Variants in SALL1 observed in about 807,000 individuals in gnomAD.
SALL1 encodes the protein sal-like protein 1.
SALL1 carries 10 observed loss-of-function variants against 73.1 expected under a neutral mutation model. The ratio of observed to expected loss-of-function variants is 0.14; its 90% CI spans 0.08 to 0.23. The LOEUF is 0.23. SALL1 is among the 10% of genes least tolerant of loss of function. The pLI is 1.00. For missense variants in SALL1, 1,520 were observed against 1,697.3 expected, an observed-to-expected ratio of 0.90 and a Z score of 1.84; for synonymous variants, 688 against 689.8, an observed-to-expected ratio of 1.00 and a Z score of 0.04.
At position 51,136,617 on chromosome 16, in the gene SALL1, ATC is replaced by A. The variant is rs1010194313; in HGVS notation, c.*493_*494del. Reference sequence around the variant, plus strand: ...TCTGTACTTTCAGTCCTTTCCTTAAATCTGTTTTGAAAGATTAGACAATGTGT... The same window carrying A: ...TCTGTACTTTCAGTCCTTTCCTTAAATGTTTTGAAAGATTAGACAATGTGT... On this transcript the variant is annotated 3_prime_UTR_variant, in exon 3 of 3. Transcript: ENST00000251020. 1.2e-5 allele frequency: 2 copies of A among 161,174 alleles called. No individual in the cohort carries two copies. Among genetic ancestry groups the A allele is most frequent in the African/African-American group, 4.8e-5 (2 of 41,594 alleles). The allele number at this position is 161,174 out of a possible 1,614,324, so 10.0% of individuals were successfully genotyped here.
chr16:51,137,504 G>C lies in SALL1; in HGVS notation c.3583C>G (p.Arg1195Gly). ...ATGGGGCCATCCACAGAGAGCCGCC[G>C]ACCCCGTCGTGCAGGGGTGCTATTC... ...MWNSTPARRGRRLSVDGPMTF... is the reference protein window; with the variant it reads ...MWNSTPARRGGRLSVDGPMTF... The change falls in exon 3 of 3, where the codon CGG becomes GGG. Residue 1195 changes from arginine (R) to glycine (G), a missense_variant. Arg to Gly is a moderately radical substitution (Grantham distance 125, BLOSUM62 -2). Around this residue, in one of 7 missense-constraint regions of SALL1, gnomAD observed 318 missense variants for 357.1 expected, o/e 0.89. Coordinates refer to ENST00000251020, the MANE Select transcript of SALL1 (RefSeq NM_002968.3). 1 of 1,613,906 alleles carries C rather than the reference G, an allele frequency of 6.2e-7. No homozygotes were observed. The highest frequency in any genetic ancestry group is 2.2e-5 in the East Asian group (1 of 44,866).
Position 51,139,176 on chromosome 16 carries a change from A to C in SALL1, c.3046T>G (p.Leu1016Val). The C allele has an allele frequency of 6.2e-7, 1 of 1,614,242 alleles. No individual in the cohort carries two copies. The highest frequency in any genetic ancestry group is 8.5e-7 in the Non-Finnish European group (1 of 1,180,046). Residue 1016 changes from leucine to valine, a missense_variant, in exon 2 of 3, where the codon TTG becomes GTG. Physicochemically the swap from Leu to Val is conservative, Grantham distance 32. This residue lies in a region of SALL1 where 22 missense variants were observed against 52.0 expected (regional missense o/e 0.42). Coordinates refer to ENST00000251020, the MANE Select transcript of SALL1 (RefSeq NM_002968.3). The part of the protein sequence containing the change: ...CGKTFACQSA[L>V]DIHYRSHTKE... The stretch of plus-strand genomic sequence containing the variant: ...GTATGACTTCTATAGTGAATGTCCA[A>C]GGCACTCTGACAAGCAAATGTTTTG...
chr16:51,138,685 T>C lies in SALL1; in HGVS notation c.3534+3A>G, dbSNP rs1278153973. On this transcript the variant is annotated splice_donor_region_variant and intron_variant, in intron 2 of 2. Coordinates refer to ENST00000251020, the MANE Select transcript of SALL1 (RefSeq NM_002968.3). ...CAGGTATGGTGCAGAGAGAGCAAGGTACCTTAAGATTGCCTTTAGTCGTGA... is the reference window on the plus strand; with the variant it reads ...CAGGTATGGTGCAGAGAGAGCAAGGCACCTTAAGATTGCCTTTAGTCGTGA... The C allele has an allele frequency of 1.2e-6, 2 of 1,610,672 alleles. No homozygotes were observed. The highest frequency in any genetic ancestry group is 1.7e-6 in the Non-Finnish European group (2 of 1,178,080).
chr16:51,140,206 G>A lies in SALL1; in HGVS notation c.2016C>T (p.Ala672=). The A allele has an allele frequency of 1.2e-6, 2 of 1,614,198 alleles. No homozygotes were observed. The highest frequency in any genetic ancestry group is 1.7e-6 in the Non-Finnish European group (2 of 1,180,030). The stretch of plus-strand genomic sequence containing the variant: ...CCAGGAGTCCCCCAAAAGGAAACTT[G>A]GCCTTGAACTGCTCGGACATGAGCG... ...LLPLMSEQFK[A]KFPFGGLLDS... The change falls in exon 2 of 3, where the codon GCC becomes GCT. Residue 672 remains alanine, a synonymous_variant. Transcript: ENST00000251020. This position sits in a 1 kb window ranked among gnomAD's most constrained non-coding sequence, Gnocchi z 5.7.
At position 51,141,463 on chromosome 16, in the gene SALL1, T is replaced by A. The variant is rs1460756256; in HGVS notation, c.759A>T (p.Gln253His). Residue 253 changes from glutamine (Q) to histidine (H), a missense_variant, in exon 2 of 3, where the codon CAA becomes CAT. Physicochemically the swap from Gln to His is conservative, Grantham distance 24 (BLOSUM62 0). Transcript: ENST00000251020. This position sits in a 1 kb window ranked among gnomAD's most constrained non-coding sequence, Gnocchi z 5.4. ...QLQLIEQIRH[Q>H]ILLLASQNAD... ...CATTCTGAGAAGCCAACAGCAATAT[T>A]TGGTGACGAATCTGTTCGATCAATT... 1 of 1,614,150 alleles carries A rather than the reference T, an allele frequency of 6.2e-7. No homozygotes were observed. Among genetic ancestry groups the A allele is most frequent in the Non-Finnish European group, 8.5e-7 (1 of 1,180,036 alleles).
chr16:51,152,084 C>G (rs1391500416), upstream of SALL1: 1 of 152,114 alleles, frequency 6.6e-6, no homozygotes. Context: ...GGCTCGGCCT[C>G]CCTCCCGCCT....
At position 51,151,195 on chromosome 16, in the gene SALL1, G is replaced by T; in HGVS notation, c.47C>A (p.Pro16His). ...TCGCCGGGGGAGCGAGGCCACTTCG[G>T]GGTCGGATTGGAAATGTTGAGGCTT... ...QAKPQHFQSDPEVASLPRRDG... is the reference protein window; with the variant it reads ...QAKPQHFQSDHEVASLPRRDG... Residue 16 changes from proline to histidine, a missense_variant, in exon 1 of 3, where the codon CCC (proline) becomes CAC (histidine). Pro to His is a moderately conservative substitution (Grantham distance 77). Coordinates refer to ENST00000251020, the MANE Select transcript of SALL1 (RefSeq NM_002968.3). The T allele has an allele frequency of 6.2e-7, 1 of 1,601,656 alleles. No homozygotes were observed.
At chr16:51,152,268 C>A (rs1217114092), upstream of SALL1, 1 of 152,578 alleles carries the variant, frequency 6.6e-6, no homozygotes, top group Non-Finnish European at 1.5e-5. Context: ...CCTCCAGCTT[C>A]TTGCTTGCTC....
rs779248243 is a variant in SALL1, at chr16:51,140,979, C to A, written c.1243G>T (p.Asp415Tyr). The A allele has an allele frequency of 6.2e-7, 1 of 1,614,080 alleles. No homozygotes were observed. Among genetic ancestry groups the A allele is most frequent in the African/African-American group, 1.3e-5 (1 of 74,926 alleles). Reference protein sequence around the residue: ...PLPNIGTTAEDLNSLSALAQQ... With the variant: ...PLPNIGTTAEYLNSLSALAQQ... ...GCCAAGGCAGACAAGGAGTTTAAAT[C>A]CTCTGCAGTTGTTCCGATGTTGGGC... The change falls in exon 2 of 3, where the codon GAT (aspartate) becomes TAT (tyrosine). Residue 415 changes from aspartate to tyrosine, a missense_variant. This residue lies in a region of SALL1 where 540 missense variants were observed against 567.5 expected (regional missense o/e 0.95). Transcript: ENST00000251020. This position sits in a 1 kb window ranked among gnomAD's most constrained non-coding sequence, Gnocchi z 5.7.
intron 1 of SALL1, among the ~76,000 whole-genome samples, chr16:51,146,522 T>G (rs1962520375): frequency 6.6e-6 from 1 of 152,146 alleles, no homozygotes; most frequent in Non-Finnish European, 1.5e-5. Context: ...TGTTTGAGGG[T>G]AAAACTGAGC....
chr16:51,151,745 C>A (rs1239652540), upstream of SALL1, among the ~76,000 whole-genome samples: 8 of 121,094 alleles, frequency 6.6e-5, no homozygotes, highest in African/African-American at 1.2e-4. Context: ...CCCTCCTTCG[C>A]CCCCCCCCAC....
intron 1 of SALL1, among the ~76,000 whole-genome samples, 172 bp from the exon 2 acceptor site, chr16:51,142,317 A>G (rs900526158): frequency 7.9e-5 from 12 of 152,206 alleles, no homozygotes; most frequent in African/African-American, 2.9e-4. Context: ...TTGTAAGGGT[A>G]TGGAGGAATT....
At chr16:51,151,107 G>C in intron 1 of SALL1, 59 bp downstream of exon 1, 1 of 1,309,572 alleles carries the variant, frequency 7.6e-7, no homozygotes. Flanking sequence ...GAGTGGGTCC[G>C]AGTGTGCGTG....
At chr16:51,148,050 G>A (rs2143469807) in intron 1 of SALL1, among the ~76,000 whole-genome samples, 2 of 152,298 alleles carry the variant, frequency 1.3e-5, no homozygotes, top group Middle Eastern at 3.4e-3. Context: ...AAATTACCAA[G>A]TTTAGAGTGT....
chr16:51,139,457 G>C lies in SALL1; in HGVS notation c.2765C>G (p.Ser922Cys), dbSNP rs1962371965. 1 of 1,614,056 alleles carries C rather than the reference G, an allele frequency of 6.2e-7. No individual in the cohort carries two copies. Among genetic ancestry groups the C allele is most frequent in the African/African-American group, 1.3e-5 (1 of 74,924 alleles). ...GGACAGAGCCTGCATGGAAGAGGTA[G>C]ACTCTGAGATGGCTGGGCTGCCAGC... Reference protein sequence around the residue: ...QSAGSPAISESTSSMQALSPS... With the variant: ...QSAGSPAISECTSSMQALSPS... Residue 922 changes from serine (S) to cysteine (C), a missense_variant, in exon 2 of 3, where the codon TCT becomes TGT. Physicochemically the swap from Ser to Cys is moderately radical, Grantham distance 112. Coordinates refer to ENST00000251020, the MANE Select transcript of SALL1 (RefSeq NM_002968.3).
At position 51,141,753 on chromosome 16, in the gene SALL1, T is replaced by C. The variant is rs771775034; in HGVS notation, c.469A>G (p.Ser157Gly). The C allele has an allele frequency of 2.3e-5, 36 of 1,597,458 alleles. No individual in the cohort carries two copies. The highest frequency in any genetic ancestry group is 1.1e-4 in the East Asian group (5 of 44,826). The change falls in exon 2 of 3, where the codon AGC (serine) becomes GGC (glycine). Residue 157 changes from serine to glycine, a missense_variant. Physicochemically the swap from Ser to Gly is moderately conservative, Grantham distance 56. Around this residue, in one of 7 missense-constraint regions of SALL1, gnomAD observed 540 missense variants for 567.5 expected, o/e 0.95. Coordinates refer to ENST00000251020, the MANE Select transcript of SALL1 (RefSeq NM_002968.3). The surrounding 1 kb of genome is among the most constrained non-coding windows in gnomAD (Gnocchi z 5.4). The part of the protein sequence containing the change: ...TAPSSSSSSS[S>G]SSGGGGSSST... Reference sequence around the variant, plus strand: ...GAGCTGCCGCCGCCGCCGCTGCTGCTGCTGCTGCTGCTGCTGCTGCTTGGG... The same window carrying C: ...GAGCTGCCGCCGCCGCCGCTGCTGCCGCTGCTGCTGCTGCTGCTGCTTGGG...
chr16:51,149,226 C>T (rs1288160244), intron 1 of SALL1: 1 of 152,312 alleles, frequency 6.6e-6, no homozygotes, highest in Non-Finnish European at 1.5e-5. Flanking sequence ...AGGCAAAGAT[C>T]TTCCACGCAT....
At position 51,140,210 on chromosome 16, in the gene SALL1, T is replaced by C; in HGVS notation, c.2012A>G (p.Lys671Arg). ...GAGTCCCCCAAAAGGAAACTTGGCC[T>C]TGAACTGCTCGGACATGAGCGGCAA... ...PLLPLMSEQF[K>R]AKFPFGGLLD... Residue 671 changes from lysine to arginine, a missense_variant, in exon 2 of 3, where the codon AAG becomes AGG. By Grantham distance (26) the Lys-to-Arg change is conservative. Coordinates refer to ENST00000251020, the MANE Select transcript of SALL1 (RefSeq NM_002968.3). This position sits in a 1 kb window ranked among gnomAD's most constrained non-coding sequence, Gnocchi z 5.7. 1 of 1,614,202 alleles carries C rather than the reference T, an allele frequency of 6.2e-7. No homozygotes were observed. The highest frequency in any genetic ancestry group is 8.5e-7 in the Non-Finnish European group (1 of 1,180,050).
chr16:51,140,488 G>C lies in SALL1; in HGVS notation c.1734C>G (p.Ile578Met). 6.2e-7 allele frequency: 1 copy of C among 1,613,958 alleles called. No homozygotes were observed. Among genetic ancestry groups the C allele is most frequent in the South Asian group, 1.1e-5 (1 of 91,070 alleles). The change falls in exon 2 of 3, where the codon ATC becomes ATG. Residue 578 changes from isoleucine to methionine, a missense_variant. This residue lies in a region of SALL1 where 276 missense variants were observed against 259.1 expected (regional missense o/e 1.07). Coordinates refer to ENST00000251020, the MANE Select transcript of SALL1 (RefSeq NM_002968.3). This position sits in a 1 kb window ranked among gnomAD's most constrained non-coding sequence, Gnocchi z 5.7. ...GGCTGGTGGCAGAATGGCTGATGGG[G>C]ATGGGGGCTGGCTCTTCCGTCTTGA... Reference protein sequence around the residue: ...PFIKTEEPAPIPISHSATSPP... With the variant: ...PFIKTEEPAPMPISHSATSPP...
Sources: gnomAD v4.1 joint callset for allele counts (sites outside exome capture counted in the v4.1 genomes callset) on GRCh38, gnomAD v4.1.1 for gene constraint, gnomAD v4.1.1 regional missense constraint, Gnocchi (gnomAD v3.1) non-coding constraint, MANE v1.5 for transcripts, NCBI Gene and HGNC (gene_info 2026-07-23, HGNC 2026-07-21) for gene names.